UPRT: variants seen among roughly 807,000 people sequenced by gnomAD.
UPRT encodes uracil phosphoribosyltransferase homolog.
UPRT carries 5 observed loss-of-function variants against 22.6 expected under a neutral mutation model. That is an observed-to-expected ratio of 0.22 (90% CI 0.12 to 0.47). The LOEUF (loss-of-function observed/expected upper bound fraction) is 0.47. Among genes scored for constraint, UPRT ranks in the 20% least tolerant of loss-of-function variants. The pLI, the probability that UPRT is intolerant of heterozygous loss-of-function variation, is 0.99. For missense variants in UPRT, 181 were observed against 239.9 expected (o/e 0.75, Z 1.62); for synonymous variants, 77 against 87.7 (o/e 0.88, Z 0.68).
chrX:75,257,553 C>T (rs2082553112), intron 4 of UPRT, among the ~76,000 whole-genome samples: 1 of 111,479 alleles, frequency 9.0e-6, no homozygotes, highest in African/African-American at 3.3e-5. Flanking sequence ...AAAGGGCATC[C>T]AAATCGATAA....
chrX:75,230,296 C>T (rs1191822883), intron 4 of UPRT, among the ~76,000 whole-genome samples: 6 of 111,537 alleles, frequency 5.4e-5, no homozygotes, highest in Non-Finnish European at 9.4e-5. Context: ...GACCTGCCTA[C>T]CCTACAGCCA....
intron 4 of UPRT, among the ~76,000 whole-genome samples, chrX:75,231,359 T>A (rs1290735869): frequency 9.0e-6 from 1 of 111,274 alleles, no homozygotes; most frequent in Non-Finnish European, 1.9e-5. Context: ...ACTTCCACAC[T>A]CAAAGAAAAG....
chrX:75,293,623 A>G, intron 2 of UPRT, 109 bp downstream of exon 2: 2 of 784,905 alleles, frequency 2.5e-6, no homozygotes, highest in Non-Finnish European at 3.5e-6. Context: ...AAGAGATTGT[A>G]CTAAGTAACC....
chrX:75,172,725 T>C (rs1372553131), intron 4 of UPRT, among the ~76,000 whole-genome samples: 1 of 110,255 alleles, frequency 9.1e-6, no homozygotes, highest in African/African-American at 3.3e-5. Flanking sequence ...AGCTGCAGAC[T>C]TTCGCGGTGA....
At chrX:75,189,081 C>T (rs1460182567) in intron 4 of UPRT, among the ~76,000 whole-genome samples, 1 of 112,332 alleles carries the variant, frequency 8.9e-6, no homozygotes, top group Non-Finnish European at 1.9e-5. Context: ...GTTAGGTTGT[C>T]AATTTTAGAT....
At position 75,304,025 on chromosome X, in the gene UPRT, G is replaced by C. The variant is rs770829479; in HGVS notation, c.*514G>C. ...CCTGGAATTTTACATTCCCATTAAT[G>C]TCCTCATTCAGTTGGCAGACCTAGG... On this transcript the variant is annotated 3_prime_UTR_variant, in exon 7 of 7. Coordinates refer to ENST00000373383, the MANE Select transcript of UPRT (RefSeq NM_145052.4). The C allele has an allele frequency of 1.7e-4, 19 of 112,885 alleles. No homozygotes were observed. In the South Asian group the frequency reaches 1.8e-3, roughly 11 times the overall value. 9.3% of individuals were successfully genotyped at this position (112,885 alleles called of 1,213,427 possible). A position where few individuals can be genotyped will look rare whatever the true frequency, so the allele number is the denominator to read the frequency against.
chrX:75,234,528 A>T (rs1196918064), intron 4 of UPRT, among the ~76,000 whole-genome samples: 1 of 111,648 alleles, frequency 9.0e-6, no homozygotes, highest in African/African-American at 3.3e-5. Flanking sequence ...TTGACCACAT[A>T]CTTGGAAGTA....
chrX:75,273,230 G>C (rs6647679), upstream of UPRT, among the ~76,000 whole-genome samples: 114 of 110,583 alleles, frequency 1.0e-3, no homozygotes, highest in African/African-American at 3.7e-3. Context: ...GTGGGTACTA[G>C]GCTTAATACC....
intron 4 of UPRT, among the ~76,000 whole-genome samples, chrX:75,235,372 G>T (rs958852077): frequency 9.0e-6 from 1 of 111,612 alleles, no homozygotes; most frequent in Non-Finnish European, 1.9e-5. Context: ...GGAGGAACTG[G>T]TACCATTCCT....
intron 4 of UPRT, among the ~76,000 whole-genome samples, chrX:75,191,092 T>C (rs1012655745): frequency 1.8e-5 from 2 of 111,988 alleles, no homozygotes; most frequent in Non-Finnish European, 3.8e-5. Flanking sequence ...TCTGTTTCTT[T>C]CCCCATCTTT....
At chrX:75,226,545 A>T (rs901661171) in intron 4 of UPRT, among the ~76,000 whole-genome samples, 3 of 111,335 alleles carry the variant, frequency 2.7e-5, no homozygotes, top group African/African-American at 9.8e-5. Flanking sequence ...GCTAATTAAC[A>T]CACTAACCTC....
At chrX:75,251,035 T>G (rs1221974088) in intron 4 of UPRT, among the ~76,000 whole-genome samples, 2 of 111,706 alleles carry the variant, frequency 1.8e-5, no homozygotes, top group Non-Finnish European at 3.8e-5. Context: ...AAACTCTCAA[T>G]AAATTAGGTA....
intron 4 of UPRT, among the ~76,000 whole-genome samples, chrX:75,250,889 A>G (rs1464396600): frequency 8.9e-6 from 1 of 112,185 alleles, no homozygotes; most frequent in African/African-American, 3.2e-5. Context: ...CATCCCTGGG[A>G]TGCAAGACTA....
At chrX:75,210,758 TGAG>T (rs2082378359) in intron 4 of UPRT, among the ~76,000 whole-genome samples, 1 of 109,845 alleles carries the variant, frequency 9.1e-6, no homozygotes, top group Non-Finnish European at 1.9e-5. Context: ...GGTTTTTTGT[TGAG>T]GAGGAGGATT....
intron 4 of UPRT, among the ~76,000 whole-genome samples, chrX:75,217,755 T>G (rs1288228367): frequency 8.9e-6 from 1 of 112,150 alleles, no homozygotes; most frequent in Non-Finnish European, 1.9e-5. Context: ...TATCTGATCT[T>G]TGACAAACCT....
At chrX:75,234,200 C>T (rs1385208093) in intron 4 of UPRT, among the ~76,000 whole-genome samples, 8 of 111,152 alleles carry the variant, frequency 7.2e-5, no homozygotes, top group Non-Finnish European at 3.8e-5. Context: ...GGCCATTACT[C>T]AATGGTAAAG....
At chrX:75,256,570 G>A (rs1267048549) in intron 4 of UPRT, among the ~76,000 whole-genome samples, 1 of 110,749 alleles carries the variant, frequency 9.0e-6, no homozygotes, top group East Asian at 2.8e-4. Context: ...AAAGATAAAT[G>A]AAACAAAAAG....
intron 4 of UPRT, among the ~76,000 whole-genome samples, chrX:75,235,459 C>T (rs2082458247): frequency 1.8e-5 from 2 of 111,751 alleles, no homozygotes; most frequent in Non-Finnish European, 3.8e-5. Flanking sequence ...CATACTGATA[C>T]CAAAGCCGGG....
chrX:75,254,873 T>G (rs1346536987), intron 4 of UPRT, among the ~76,000 whole-genome samples: 1 of 107,266 alleles, frequency 9.3e-6, no homozygotes, highest in Non-Finnish European at 1.9e-5. Flanking sequence ...CTTCCCGGGT[T>G]CACGCCATTC....
Sources: gnomAD v4.1 joint callset for allele counts (sites outside exome capture counted in the v4.1 genomes callset) on GRCh38, gnomAD v4.1.1 for gene constraint, MANE v1.5 for transcripts, NCBI Gene and HGNC (gene_info 2026-07-23, HGNC 2026-07-21) for gene names.